NDRG3: variants seen among roughly 807,000 people sequenced by gnomAD.
NDRG3 encodes the protein NDRG family member 3.
In NDRG3, 23 loss-of-function variants were observed where a neutral mutation model predicts 57.2. The observed-to-expected ratio is 0.40, with a 90% CI of 0.29 to 0.57. The LOEUF (loss-of-function observed/expected upper bound fraction) is 0.57. Among genes scored for constraint, NDRG3 ranks in the 20% least tolerant of loss-of-function variants. NDRG3 has a pLI of 0.42. For missense variants in NDRG3, 384 were observed against 457.3 expected (o/e 0.84, Z 1.46); for synonymous variants, 132 against 162.6 (o/e 0.81, Z 1.43).
intron 3 of NDRG3, among the ~76,000 whole-genome samples, chr20:36,693,105 A>AAAAT (rs56739356): frequency 7.7e-5 from 2 of 25,848 alleles, no homozygotes; most frequent in Admixed American, 8.6e-4. Context: ...AAAAAAAAAA[A>AAAAT]ATATATATAT....
At chr20:36,678,493 C>T (rs1320473032) in intron 8 of NDRG3, among the ~76,000 whole-genome samples, 1 of 152,062 alleles carries the variant, frequency 6.6e-6, no homozygotes, top group Non-Finnish European at 1.5e-5. Context: ...CCAGCCTGGC[C>T]AAGATGGTGA....
At chr20:36,692,722 C>T (rs1982369285) in intron 3 of NDRG3, among the ~76,000 whole-genome samples, 1 of 151,798 alleles carries the variant, frequency 6.6e-6, no homozygotes, top group Non-Finnish European at 1.5e-5. Flanking sequence ...TCTGAGACAT[C>T]CCTGGATTGC....
chr20:36,660,995 A>G (rs147929175), intron 12 of NDRG3, among the ~76,000 whole-genome samples: 42 of 152,324 alleles, frequency 2.8e-4, no homozygotes, highest in African/African-American at 9.9e-4. Context: ...GACTAGCTAT[A>G]TAACATGAAA....
chr20:36,730,432 T>A (rs1412344055), intron 1 of NDRG3, among the ~76,000 whole-genome samples: 1 of 151,738 alleles, frequency 6.6e-6, no homozygotes, highest in African/African-American at 2.4e-5. Context: ...ATTTTTGTTT[T>A]TTGGTAGAAA....
At chr20:36,722,004 C>T (rs917936895) in intron 1 of NDRG3, among the ~76,000 whole-genome samples, 24 of 152,126 alleles carry the variant, frequency 1.6e-4, no homozygotes, top group African/African-American at 5.3e-4. Flanking sequence ...AGTGAGTGTG[C>T]GCAGGGCCTG....
intron 2 of NDRG3, among the ~76,000 whole-genome samples, chr20:36,712,698 C>T (rs189403670): frequency 1.0e-3 from 143 of 143,480 alleles, no homozygotes; most frequent in Non-Finnish European, 1.7e-3. Context: ...CAAGTTCCAT[C>T]GATTCTCCTG....
chr20:36,684,066 C>T (rs1252586149), intron 6 of NDRG3, among the ~76,000 whole-genome samples: 3 of 152,172 alleles, frequency 2.0e-5, no homozygotes, highest in African/African-American at 7.2e-5. Context: ...GGGATCACAA[C>T]TCACTGTAGC....
At chr20:36,693,145 CACACACACATATACACATATATATAT>C (rs1982466964) in intron 3 of NDRG3, among the ~76,000 whole-genome samples, 1 of 74,406 alleles carries the variant, frequency 1.3e-5, no homozygotes, top group African/African-American at 5.2e-5. Context: ...TATATATACA[CACACACACATATACACATATATATAT>C]ACACACATAT....
chr20:36,687,108 C>T (rs1457336602), intron 5 of NDRG3, among the ~76,000 whole-genome samples: 2 of 152,118 alleles, frequency 1.3e-5, no homozygotes, highest in East Asian at 1.9e-4. Context: ...ATCCTACTGC[C>T]TTTGCCTCCC....
At chr20:36,687,734 A>T in intron 4 of NDRG3, 122 bp from the exon 5 acceptor site, 1 of 1,151,220 alleles carries the variant, frequency 8.7e-7, no homozygotes, top group Non-Finnish European at 1.2e-6. Context: ...CACCAAAGTG[A>T]GGTGTCTGAA....
intron 2 of NDRG3, among the ~76,000 whole-genome samples, chr20:36,708,837 G>C (rs1210890634): frequency 6.6e-6 from 1 of 151,918 alleles, no homozygotes; most frequent in East Asian, 1.9e-4. Flanking sequence ...TTGGGAGTAT[G>C]AGACCAGCCT....
At chr20:36,744,660 G>A (rs910256528) in intron 1 of NDRG3, among the ~76,000 whole-genome samples, 2 of 152,102 alleles carry the variant, frequency 1.3e-5, no homozygotes, top group African/African-American at 4.8e-5. Flanking sequence ...TTATTTTGGG[G>A]GAGAAACATT....
intron 8 of NDRG3, among the ~76,000 whole-genome samples, chr20:36,674,485 G>A (rs1193845852): frequency 6.6e-6 from 1 of 151,626 alleles, no homozygotes; most frequent in Admixed American, 6.6e-5. Flanking sequence ...TTACAGGTGT[G>A]AGCCACCACG....
chr20:36,677,111 T>C (rs397625), intron 8 of NDRG3, among the ~76,000 whole-genome samples: 137,015 of 152,246 alleles, frequency 0.9, 62,092 homozygotes, highest in African/African-American at 0.98. Flanking sequence ...GAGCAGGAGC[T>C]GGGGACAAGC....
intron 2 of NDRG3, among the ~76,000 whole-genome samples, chr20:36,709,136 T>C (rs1568658288): frequency 6.6e-6 from 1 of 152,194 alleles, no homozygotes; most frequent in Non-Finnish European, 1.5e-5. Flanking sequence ...AGGGACTATC[T>C]AGAGCTGCAC....
rs1393513310 is a variant in NDRG3 at position 36,684,475 on chromosome 20, C to T, written c.321G>A (p.Gly107=). The T allele has an allele frequency of 6.2e-7, 1 of 1,613,230 alleles. No homozygotes were observed. The highest frequency in any genetic ancestry group is 8.5e-7 in the Non-Finnish European group (1 of 1,179,234). ...GCTCATCCATTGTGGGGTACTGATA[C>T]CTGCAATCCAGAAGGATATCTCCTG... ...QQEGAPSFPT[G]YQYPTMDELA... Residue 107 remains glycine, a splice_region_variant and synonymous_variant, in exon 6 of 16, where the codon GGG becomes GGA. Transcript: ENST00000349004.
At position 36,671,333 on chromosome 20, in the gene NDRG3, G is replaced by A. The variant is rs1039903120; in HGVS notation, c.588+8C>T. 3 of 1,611,360 alleles carry A rather than the reference G, an allele frequency of 1.9e-6. No homozygotes were observed. The African/African-American group carries it at 4.0e-5, about 22-fold the overall frequency. On this transcript the variant is annotated splice_region_variant and intron_variant, in intron 9 of 15. Transcript: ENST00000349004. ...AACACAGCTCTTCTGGGTGGAACAG[G>A]TACTTACCTGCCCAAAGTGATGAGC...
At chr20:36,705,670 G>A (rs964167408) in intron 3 of NDRG3, among the ~76,000 whole-genome samples, 1 of 152,076 alleles carries the variant, frequency 6.6e-6, no homozygotes, top group Non-Finnish European at 1.5e-5. Flanking sequence ...CCCAAAAGTG[G>A]GAGGGTCAGG....
At chr20:36,681,854 C>T (rs949919314) in intron 7 of NDRG3, among the ~76,000 whole-genome samples, 21 of 151,826 alleles carry the variant, frequency 1.4e-4, no homozygotes, top group African/African-American at 3.6e-4. Context: ...CCTACCACCA[C>T]GCCCAGCTAA....
Sources: allele counts gnomAD v4.1 joint callset (sites outside exome capture counted in the v4.1 genomes callset), GRCh38; gene constraint gnomAD v4.1.1; transcripts MANE v1.5; gene names NCBI Gene and HGNC (gene_info 2026-07-23, HGNC 2026-07-21).